The following NHSL1 variants were observed in gnomAD, a reference collection of about 807,000 sequenced individuals.
NHSL1 encodes the protein NHS-like protein 1.
A neutral mutation model predicts 95.0 loss-of-function variants in NHSL1; 48 were observed. That is an observed-to-expected ratio of 0.51 (90% CI 0.40 to 0.64). NHSL1 has a LOEUF of 0.64. NHSL1 is among the 30% of genes least tolerant of loss of function. The pLI, the probability that NHSL1 is intolerant of heterozygous loss-of-function variation, is 0.00. For synonymous variants in NHSL1, 783 were observed against 833.9 expected (o/e 0.94, Z 1.05); for missense variants, 1,971 against 2,077.7 (o/e 0.95, Z 1.00).
At chr6:138,578,096 T>C (rs1451520477) in intron 1 of NHSL1, among the ~76,000 whole-genome samples, 2 of 152,226 alleles carry the variant, frequency 1.3e-5, no homozygotes, top group African/African-American at 4.8e-5. Context: ...CACTGACTTC[T>C]CATTAAACCC....
Position 138,430,860 on chromosome 6 carries a change from C to A in NHSL1, c.3485G>T (p.Arg1162Leu). 6.4e-7 allele frequency: 1 copy of A among 1,550,942 alleles called. No homozygotes were observed. The highest frequency in any genetic ancestry group is 8.7e-7 in the Non-Finnish European group (1 of 1,146,786). ...SAAERGGPVS[R>L]SPGAPSAGEA... ...CCCAGCGCTTGGAGCTCCAGGGCTG[C>A]GGCTCACAGGGCCACCACGCTCAGC... Residue 1162 changes from arginine to leucine, a missense_variant, in exon 6 of 8, where the codon CGC (arginine) becomes CTC (leucine). Physicochemically the swap from Arg to Leu is moderately radical, Grantham distance 102. This residue lies in a region of NHSL1 where 1,602 missense variants were observed against 1,654.5 expected (regional missense o/e 0.97). Coordinates refer to ENST00000343505, the MANE Select transcript of NHSL1 (RefSeq NM_001144060.2). The surrounding 1 kb of genome is among the most constrained non-coding windows in gnomAD (Gnocchi z 4.7).
upstream of NHSL1, among the ~76,000 whole-genome samples, chr6:138,576,445 A>AT (rs1783973693): frequency 6.6e-6 from 1 of 152,178 alleles, no homozygotes; most frequent in African/African-American, 2.4e-5. Context: ...TGCTGAACAG[A>AT]TTTTATCTGC....
intron 1 of NHSL1, among the ~76,000 whole-genome samples, chr6:138,681,307 T>A (rs960585709): frequency 5.9e-5 from 9 of 152,056 alleles, no homozygotes; most frequent in African/African-American, 1.9e-4. Flanking sequence ...GAGTGGGGAG[T>A]TGATGCTGGA....
chr6:138,524,132 C>T (rs1372984053), intron 1 of NHSL1, among the ~76,000 whole-genome samples: 1 of 152,168 alleles, frequency 6.6e-6, no homozygotes, highest in Non-Finnish European at 1.5e-5. Context: ...AGGTTCCCTC[C>T]TATTTACCTC....
At chr6:138,458,836 A>C (rs1317005896) in intron 3 of NHSL1, among the ~76,000 whole-genome samples, 4 of 151,634 alleles carry the variant, frequency 2.6e-5, no homozygotes, top group African/African-American at 4.8e-5. Context: ...CTCAAAAAAA[A>C]AAAAACAAAA....
intron 1 of NHSL1, among the ~76,000 whole-genome samples, chr6:138,657,737 C>T (rs1486853963): frequency 1.3e-5 from 2 of 149,336 alleles, no homozygotes; most frequent in African/African-American, 2.5e-5. Flanking sequence ...ATGGTGTGAA[C>T]CCGGGAGGCA....
intron 1 of NHSL1, among the ~76,000 whole-genome samples, chr6:138,567,230 C>T (rs977355482): frequency 6.6e-6 from 1 of 151,916 alleles, no homozygotes; most frequent in Non-Finnish European, 1.5e-5. Flanking sequence ...CAGGCTCAAG[C>T]GATCCTCCCA....
Position 138,496,137 on chromosome 6 carries a change from T to C in NHSL1, c.211+82A>G, listed in dbSNP as rs867319353. ...ACTATACATTCAATAAAAGTAGAGC[T>C]GGTTTTATAAATAGATATCAAATTT... is the stretch of plus-strand genomic sequence containing the variant. On this transcript the variant is annotated intron_variant, in intron 2 of 7. Coordinates refer to ENST00000343505, the MANE Select transcript of NHSL1 (RefSeq NM_001144060.2). 3.1e-4 allele frequency: 434 copies of C among 1,386,752 alleles called. 2 individuals are homozygous for C. The Middle Eastern group carries it at 7.0e-3, about 22-fold the overall frequency. 85.9% of individuals were successfully genotyped at this position (1,386,752 alleles called of 1,614,324 possible).
At chr6:138,454,410 T>C (rs1222938347) in intron 3 of NHSL1, among the ~76,000 whole-genome samples, 1 of 152,160 alleles carries the variant, frequency 6.6e-6, no homozygotes, top group Non-Finnish European at 1.5e-5. Context: ...GCTCTTTGTA[T>C]TATCTCAACA....
upstream of NHSL1, among the ~76,000 whole-genome samples, chr6:138,502,300 G>C (rs1003346891): frequency 6.6e-6 from 1 of 152,140 alleles, no homozygotes; most frequent in Non-Finnish European, 1.5e-5. Flanking sequence ...CTTGATATGA[G>C]CATGAGCACA....
chr6:138,444,460 G>A (rs962076810), intron 4 of NHSL1, among the ~76,000 whole-genome samples: 1 of 152,064 alleles, frequency 6.6e-6, no homozygotes, highest in African/African-American at 2.4e-5. Flanking sequence ...TTTAGAACAT[G>A]CCGAGTGCCC....
intron 1 of NHSL1, among the ~76,000 whole-genome samples, chr6:138,536,595 ATG>A (rs1782354655): frequency 8.1e-6 from 1 of 122,868 alleles, no homozygotes; most frequent in Non-Finnish European, 1.7e-5. Flanking sequence ...AGAGGGACAT[ATG>A]TCATCTTTTT....
intron 5 of NHSL1, among the ~76,000 whole-genome samples, chr6:138,438,018 T>TTA (rs1185243745): frequency 1.3e-5 from 2 of 152,202 alleles, no homozygotes; most frequent in Non-Finnish European, 2.9e-5. Flanking sequence ...ATTCAGAATA[T>TTA]TATATGAACT....
chr6:138,638,047 T>C (rs538947209), intron 1 of NHSL1, among the ~76,000 whole-genome samples: 130 of 152,352 alleles, frequency 8.5e-4, no homozygotes, highest in African/African-American at 3.1e-3. Flanking sequence ...AATTAGATCC[T>C]GTCATTTACA....
At chr6:138,647,893 C>T (rs1300219502) in intron 1 of NHSL1, among the ~76,000 whole-genome samples, 1 of 152,160 alleles carries the variant, frequency 6.6e-6, no homozygotes, top group East Asian at 1.9e-4. Flanking sequence ...GCCACTGCAC[C>T]GGTGTCTAAT....
chr6:138,656,068 G>A (rs1230088311), intron 1 of NHSL1, among the ~76,000 whole-genome samples: 2 of 152,158 alleles, frequency 1.3e-5, no homozygotes, highest in African/African-American at 4.8e-5. Flanking sequence ...GGCAACTCGT[G>A]ACTCTGAGGA....
intron 1 of NHSL1, among the ~76,000 whole-genome samples, chr6:138,651,936 A>G (rs1460072146): frequency 2.0e-5 from 3 of 152,210 alleles, no homozygotes; most frequent in African/African-American, 7.2e-5. Flanking sequence ...AAGTAACACA[A>G]TAAGTATACT....
At chr6:138,514,041 G>C (rs75513694) in intron 1 of NHSL1, among the ~76,000 whole-genome samples, 3,090 of 152,314 alleles carry the variant, frequency 0.02, 53 homozygotes, top group South Asian at 0.082. Context: ...TCTTGGCCAG[G>C]CGTGGTGGCT....
chr6:138,585,696 C>T (rs1784124470), intron 1 of NHSL1, among the ~76,000 whole-genome samples: 1 of 151,608 alleles, frequency 6.6e-6, no homozygotes, highest in Non-Finnish European at 1.5e-5. Flanking sequence ...ATAAAATACA[C>T]ACCACTGGTT....
Sources: allele counts gnomAD v4.1 joint callset (sites outside exome capture counted in the v4.1 genomes callset), GRCh38; gene constraint gnomAD v4.1.1; regional missense constraint gnomAD v4.1.1; non-coding constraint Gnocchi (gnomAD v3.1); transcripts MANE v1.5; gene names NCBI Gene and HGNC (gene_info 2026-07-23, HGNC 2026-07-21).